RANBP3: variants seen among roughly 807,000 people sequenced by gnomAD.
RANBP3 encodes ran-binding protein 3.
A neutral mutation model predicts 77.3 loss-of-function variants in RANBP3; 14 were observed. That is an observed-to-expected ratio of 0.18 (90% CI 0.12 to 0.28). The LOEUF (loss-of-function observed/expected upper bound fraction) is 0.28, where lower values mean the gene tolerates loss of function less well. RANBP3 is among the 10% of genes least tolerant of loss of function. The pLI is 1.00. For synonymous variants in RANBP3, 315 were observed against 312.4 expected, an observed-to-expected ratio of 1.01 and a Z score of -0.09; for missense variants, 586 against 752.3, an observed-to-expected ratio of 0.78 and a Z score of 2.59.
intron 2 of RANBP3, 134 bp from the exon 3 acceptor site, chr19:5,951,730 G>T: frequency 1.3e-6 from 1 of 796,302 alleles, no homozygotes; most frequent in Non-Finnish European, 2.0e-6. Flanking sequence ...AAGATGGGGA[G>T]AGCAGGCACC....
At chr19:5,923,325 A>G (rs1217498711) in intron 12 of RANBP3, 22 bp from the exon 13 acceptor site, 34 of 1,605,022 alleles carry the variant, frequency 2.1e-5, no homozygotes, top group Non-Finnish European at 2.5e-5. Flanking sequence ...TTGGCCAAAA[A>G]GACTGACTGA....
rs1297957388 is a variant in RANBP3, at chr19:5,923,188, C to T, written c.1209+6G>A. ...CAGGGCCACCGAGGAGGGGCCGGCC[C>T]CTCACCTGTAACACATTGCTCTCCG... On this transcript the variant is annotated splice_donor_region_variant and intron_variant, in intron 13 of 16. Coordinates refer to ENST00000340578, the MANE Select transcript of RANBP3 (RefSeq NM_007322.3). 21 of 1,613,656 alleles carry T rather than the reference C, an allele frequency of 1.3e-5. No homozygotes were observed. The highest frequency in any genetic ancestry group is 1.5e-5 in the Non-Finnish European group (18 of 1,179,592).
chr19:5,970,922 C>T (rs1028908557), intron 1 of RANBP3, among the ~76,000 whole-genome samples: 3 of 152,232 alleles, frequency 2.0e-5, no homozygotes, highest in African/African-American at 7.2e-5. Context: ...CCAGGTGCTT[C>T]CAACCATGCC....
chr19:5,968,226 G>A (rs1387447695), intron 1 of RANBP3, among the ~76,000 whole-genome samples: 3 of 152,170 alleles, frequency 2.0e-5, no homozygotes, highest in African/African-American at 4.8e-5. Flanking sequence ...GGAAATCCAA[G>A]AACTACAGAA....
Position 5,921,135 on chromosome 19 carries a change from G to A in RANBP3, c.1330+66C>T. ...GGATCTCCCCCGCTTCATTCCCTTT[G>A]GAATTGCATAGTCCCCAGCCCTCCC... On this transcript the variant is annotated intron_variant, in intron 14 of 16. Coordinates refer to ENST00000340578, the MANE Select transcript of RANBP3 (RefSeq NM_007322.3). This position sits in a 1 kb window ranked among gnomAD's most constrained non-coding sequence, Gnocchi z 5.3. 1 of 1,543,994 alleles carries A rather than the reference G, an allele frequency of 6.5e-7. No individual in the cohort carries two copies. The highest frequency in any genetic ancestry group is 8.8e-7 in the Non-Finnish European group (1 of 1,142,346).
At position 5,924,067 on chromosome 19, in the gene RANBP3, A is replaced by G. The variant is rs944091162; in HGVS notation, c.997-153T>C. 3.3e-5 allele frequency among the ~76,000 whole-genome samples: 5 copies of G among 152,092 alleles called. No individual in the cohort carries two copies. The highest frequency in any genetic ancestry group is 1.2e-4 in the African/African-American group (5 of 41,408). Reference sequence around the variant, plus strand: ...ACCCTGAACTGCCTGGGAGCTCCCCACGTGGTCCCTCAGGCATCACTACGG... The same window carrying G: ...ACCCTGAACTGCCTGGGAGCTCCCCGCGTGGTCCCTCAGGCATCACTACGG... On this transcript the variant is annotated intron_variant, in intron 11 of 16. Coordinates refer to ENST00000340578, the MANE Select transcript of RANBP3 (RefSeq NM_007322.3). This position sits in a 1 kb window ranked among gnomAD's most constrained non-coding sequence, Gnocchi z 4.7.
At chr19:5,920,404 G>A (rs947699817) in intron 14 of RANBP3, among the ~76,000 whole-genome samples, 11 of 152,004 alleles carry the variant, frequency 7.2e-5, no homozygotes, top group Non-Finnish European at 1.3e-4. Context: ...AAAAAGACAC[G>A]CCCACATTTC....
At chr19:5,922,670 T>C (rs2057838681) in intron 13 of RANBP3, among the ~76,000 whole-genome samples, 1 of 152,240 alleles carries the variant, frequency 6.6e-6, no homozygotes. Flanking sequence ...CTGGGCGTGG[T>C]GGCTCACGCC....
At chr19:5,967,129 T>C (rs552598796) in intron 1 of RANBP3, among the ~76,000 whole-genome samples, 56 of 152,364 alleles carry the variant, frequency 3.7e-4, no homozygotes, top group African/African-American at 1.3e-3. Context: ...ATGCAGTTGC[T>C]AGGTGATGCC....
At chr19:5,943,913 C>T (rs994457432) in intron 3 of RANBP3, among the ~76,000 whole-genome samples, 1 of 152,220 alleles carries the variant, frequency 6.6e-6, no homozygotes, top group Admixed American at 6.5e-5. Context: ...CCAACTCCGG[C>T]CAGGCCAAAA....
Position 5,928,035 on chromosome 19 carries a change from C to T in RANBP3, c.746G>A (p.Cys249Tyr). The change falls in exon 9 of 17, where the codon TGT becomes TAT. Residue 249 changes from cysteine to tyrosine, a missense_variant. Physicochemically the swap from Cys to Tyr is radical, Grantham distance 194. Around this residue, in one of 5 missense-constraint regions of RANBP3, gnomAD observed 232 missense variants for 271.7 expected, o/e 0.85. Coordinates refer to ENST00000340578, the MANE Select transcript of RANBP3 (RefSeq NM_007322.3). ...CTGTGTGGCGGGGTCTTTTTTCTCA[C>T]AGGCTTCCTCTTCAGAGGCATTGCT... ...ESSNASEEEA[C>Y]EKKDPATQQA... 1.2e-6 allele frequency: 2 copies of T among 1,613,932 alleles called. No individual in the cohort carries two copies. Among genetic ancestry groups the T allele is most frequent in the East Asian group, 2.2e-5 (1 of 44,880 alleles).
intron 9 of RANBP3, 145 bp from the exon 10 acceptor site, chr19:5,925,882 C>A: frequency 1.5e-6 from 1 of 658,104 alleles, no homozygotes; most frequent in Non-Finnish European, 2.7e-6. Context: ...TGTGCGCGTG[C>A]ATGTGCTGGG....
intron 1 of RANBP3, chr19:5,976,654 G>C (rs777207236): frequency 6.6e-6 from 1 of 152,332 alleles, no homozygotes; most frequent in Non-Finnish European, 1.5e-5. Context: ...TGAGGCAGGA[G>C]AATCACCTGA....
At chr19:5,975,188 G>T (rs2058575755) in intron 1 of RANBP3, among the ~76,000 whole-genome samples, 1 of 152,194 alleles carries the variant, frequency 6.6e-6, no homozygotes, top group Non-Finnish European at 1.5e-5. Flanking sequence ...AACACACAAT[G>T]ACTGATTGAA....
intron 3 of RANBP3, among the ~76,000 whole-genome samples, chr19:5,944,141 G>A (rs999011626): frequency 4.6e-5 from 7 of 152,212 alleles, no homozygotes; most frequent in Non-Finnish European, 7.3e-5. Context: ...TATAATGCTC[G>A]TGACCCACAC....
intron 2 of RANBP3, among the ~76,000 whole-genome samples, chr19:5,954,757 GCTCTCAAACC>G (rs1424843833): frequency 1.3e-5 from 2 of 152,168 alleles, no homozygotes; most frequent in Non-Finnish European, 2.9e-5. Context: ...AACCATAAAG[GCTCTCAAACC>G]CTCACTTCTG....
At chr19:5,972,145 A>T (rs1175149822) in intron 1 of RANBP3, among the ~76,000 whole-genome samples, 2 of 152,188 alleles carry the variant, frequency 1.3e-5, no homozygotes, top group Non-Finnish European at 2.9e-5. Flanking sequence ...GTGGTTTTCA[A>T]CTCTGGCTTC....
chr19:5,977,662 C>CGAGGGGGCGGG (rs2058611653), intron 1 of RANBP3, among the ~76,000 whole-genome samples: 1 of 147,728 alleles, frequency 6.8e-6, no homozygotes, highest in African/African-American at 2.5e-5. Context: ...TGGCGGAGGA[C>CGAGGGGGCGGG]GAGGGGGCGG....
At chr19:5,966,458 G>A (rs1190721512) in intron 1 of RANBP3, among the ~76,000 whole-genome samples, 1 of 152,184 alleles carries the variant, frequency 6.6e-6, no homozygotes, top group Non-Finnish European at 1.5e-5. Context: ...TCAAATGTTC[G>A]GCCCTGGAAT....
Sources: allele counts gnomAD v4.1 joint callset (sites outside exome capture counted in the v4.1 genomes callset), GRCh38; gene constraint gnomAD v4.1.1; regional missense constraint gnomAD v4.1.1; non-coding constraint Gnocchi (gnomAD v3.1); transcripts MANE v1.5; gene names NCBI Gene and HGNC (gene_info 2026-07-23, HGNC 2026-07-21).